SMOC1: variants seen among roughly 807,000 people sequenced by gnomAD.
SMOC1 encodes SPARC-related modular calcium-binding protein 1.
Under a neutral mutation model 56.3 loss-of-function variants are expected in SMOC1, and 22 were observed. That is an observed-to-expected ratio of 0.39 (90% CI 0.28 to 0.56). The LOEUF (loss-of-function observed/expected upper bound fraction) is 0.56, where lower values mean the gene tolerates loss of function less well. Among genes scored for constraint, SMOC1 ranks in the 20% least tolerant of loss-of-function variants. The pLI is 0.61. For missense variants in SMOC1, 509 were observed against 565.4 expected (o/e 0.90, Z 1.01); for synonymous variants, 193 against 215.0 (o/e 0.90, Z 0.89).
rs1886145890 is a variant in SMOC1, at chr14:70,031,400, TCA to T, written c.*1145_*1146del. 9.1e-6 allele frequency: 1 copy of T among 109,628 alleles called. No homozygotes were observed. Among genetic ancestry groups the T allele is most frequent in the Non-Finnish European group, 1.7e-5 (1 of 60,006 alleles). 6.8% of individuals were successfully genotyped at this position (109,628 alleles called of 1,614,324 possible). ...TCTCCTGCTGTTGTCCTAGTGGCTA[TCA>T]CAGGCCTGGGTGGGTGGGTTGGGGG... On this transcript the variant is annotated 3_prime_UTR_variant, in exon 12 of 12. Transcript: ENST00000361956.
chr14:69,928,164 C>T (rs188767814), intron 1 of SMOC1, among the ~76,000 whole-genome samples: 12 of 152,324 alleles, frequency 7.9e-5, no homozygotes, highest in Non-Finnish European at 1.6e-4. Flanking sequence ...TCTGAATCTT[C>T]AGGCTGGCAC....
At chr14:69,964,577 C>T (rs886447111) in intron 3 of SMOC1, among the ~76,000 whole-genome samples, 9 of 152,044 alleles carry the variant, frequency 5.9e-5, no homozygotes, top group Non-Finnish European at 1.3e-4. Context: ...CGGGGTTTCA[C>T]TGTGTTAGCC....
chr14:69,930,778 C>T (rs1316528324), intron 1 of SMOC1, among the ~76,000 whole-genome samples: 1 of 152,234 alleles, frequency 6.6e-6, no homozygotes, highest in African/African-American at 2.4e-5. Context: ...GTGCCTGATG[C>T]AGCTCTTGGC....
At chr14:70,028,290 G>T (rs17107635) in intron 11 of SMOC1, among the ~76,000 whole-genome samples, 1 of 151,914 alleles carries the variant, frequency 6.6e-6, no homozygotes, top group Non-Finnish European at 1.5e-5. Context: ...AGAACTATCC[G>T]CTCTTCTTTT....
intron 1 of SMOC1, among the ~76,000 whole-genome samples, chr14:69,930,317 C>T (rs34414297): frequency 0.19 from 27,739 of 149,634 alleles, 2,627 homozygotes; most frequent in Middle Eastern, 0.27. Flanking sequence ...CGTCAGCTGC[C>T]GGATCACCTC....
intron 9 of SMOC1, among the ~76,000 whole-genome samples, chr14:70,011,805 G>A (rs1566710473): frequency 6.6e-6 from 1 of 152,186 alleles, no homozygotes; most frequent in African/African-American, 2.4e-5. Context: ...TTAAAATCCC[G>A]TCTGCAGTTC....
intron 3 of SMOC1, among the ~76,000 whole-genome samples, chr14:69,975,248 C>T (rs535513809): frequency 6.6e-6 from 1 of 152,216 alleles, no homozygotes; most frequent in East Asian, 1.9e-4. Context: ...GAGGCTGAGG[C>T]AGGAGAATCG....
At chr14:69,902,995 T>A (rs1420312283) in intron 1 of SMOC1, among the ~76,000 whole-genome samples, 1 of 152,176 alleles carries the variant, frequency 6.6e-6, no homozygotes, top group African/African-American at 2.4e-5. Context: ...CCGCCTGCCT[T>A]GGCCTCCCAA....
intron 1 of SMOC1, among the ~76,000 whole-genome samples, chr14:69,880,573 A>T (rs553810928): frequency 8.8e-4 from 134 of 152,254 alleles, no homozygotes; most frequent in African/African-American, 3.0e-3. Flanking sequence ...TTATCCCCGC[A>T]ACACCCCCCA....
At chr14:69,985,495 A>AC (rs398118346) in intron 5 of SMOC1, among the ~76,000 whole-genome samples, 3 of 152,006 alleles carry the variant, frequency 2.0e-5, no homozygotes, top group African/African-American at 4.8e-5. Flanking sequence ...TAGAAAAAAA[A>AC]CCCCAAATGT....
At chr14:69,900,658 T>C (rs1566665966) in intron 1 of SMOC1, among the ~76,000 whole-genome samples, 1 of 152,250 alleles carries the variant, frequency 6.6e-6, no homozygotes, top group East Asian at 1.9e-4. Context: ...GGGTGTTTAC[T>C]CACAGCTTAA....
intron 3 of SMOC1, among the ~76,000 whole-genome samples, chr14:69,959,775 G>C (rs559118277): frequency 6.6e-6 from 1 of 152,192 alleles, no homozygotes; most frequent in Non-Finnish European, 1.5e-5. Flanking sequence ...ATGATGCTTT[G>C]TTCTGAAGTT....
At chr14:69,896,433 A>G (rs1282319998) in intron 1 of SMOC1, among the ~76,000 whole-genome samples, 1 of 152,222 alleles carries the variant, frequency 6.6e-6, no homozygotes, top group Non-Finnish European at 1.5e-5. Context: ...AAAGAAAGAT[A>G]TTATTTAACT....
chr14:69,879,507 G>A lies in SMOC1; in HGVS notation c.-172G>A, dbSNP rs1182616079. On this transcript the variant is annotated 5_prime_UTR_variant, in exon 1 of 12. Coordinates refer to ENST00000361956, the MANE Select transcript of SMOC1 (RefSeq NM_001034852.3). ...TCGCGCTCCAGCTCCCCTCCTGCGC[G>A]GTTCATGACTGTGTCCCCTGACCGC... 2.2e-6 allele frequency: 1 copy of A among 446,248 alleles called. No homozygotes were observed. The highest frequency in any genetic ancestry group is 3.8e-6 in the Non-Finnish European group (1 of 263,272). The allele number at this position is 446,248 out of a possible 1,614,324, so 27.6% of individuals were successfully genotyped here.
At chr14:70,015,025 G>A (rs966084475) in intron 10 of SMOC1, among the ~76,000 whole-genome samples, 1 of 152,160 alleles carries the variant, frequency 6.6e-6, no homozygotes, top group Admixed American at 6.5e-5. Flanking sequence ...AAATCAAAGT[G>A]AGTGCACACA....
intron 5 of SMOC1, among the ~76,000 whole-genome samples, chr14:69,980,647 C>T (rs1333717479): frequency 6.6e-6 from 1 of 152,218 alleles, no homozygotes; most frequent in Non-Finnish European, 1.5e-5. Context: ...GTTCCTCTTT[C>T]AGCTGCCACT....
chr14:69,951,196 A>G (rs1882984071), intron 1 of SMOC1, among the ~76,000 whole-genome samples: 1 of 152,170 alleles, frequency 6.6e-6, no homozygotes, highest in South Asian at 2.1e-4. Flanking sequence ...AGTGATTATT[A>G]CAAGAGGCCC....
intron 6 of SMOC1, 181 bp from the exon 7 acceptor site, chr14:69,994,219 T>C (rs1273177159): frequency 8.4e-6 from 6 of 712,304 alleles, no homozygotes; most frequent in Admixed American, 1.9e-5. Context: ...TTATGAGCTG[T>C]TGGGGAGAGA....
At chr14:69,991,027 C>G (rs536293267) in intron 5 of SMOC1, among the ~76,000 whole-genome samples, 79 of 152,276 alleles carry the variant, frequency 5.2e-4, no homozygotes, top group Non-Finnish European at 1.1e-3. Context: ...CTCCCTCCCC[C>G]AATAAGATGC....
Sources: allele counts gnomAD v4.1 joint callset (sites outside exome capture counted in the v4.1 genomes callset), GRCh38; gene constraint gnomAD v4.1.1; transcripts MANE v1.5; gene names NCBI Gene and HGNC (gene_info 2026-07-23, HGNC 2026-07-21).